Variants in SPOCK1 observed in about 807,000 individuals in gnomAD.
The protein encoded by SPOCK1 is testican-1.
Under a neutral mutation model 55.3 loss-of-function variants are expected in SPOCK1, and 23 were observed. The observed-to-expected ratio is 0.42, with a 90% confidence interval of 0.30 to 0.59. SPOCK1 has a LOEUF of 0.59. Among genes scored for constraint, SPOCK1 ranks in the 20% least tolerant of loss-of-function variants. The pLI, the probability that SPOCK1 is intolerant of heterozygous loss-of-function variation, is 0.22. For synonymous variants in SPOCK1, 226 were observed against 221.0 expected, an observed-to-expected ratio of 1.02 and a Z score of -0.20; for missense variants, 499 against 552.5, an observed-to-expected ratio of 0.90 and a Z score of 0.97.
intron 2 of SPOCK1, among the ~76,000 whole-genome samples, chr5:137,370,834 T>A (rs981090062): frequency 6.6e-6 from 1 of 152,242 alleles, no homozygotes; most frequent in Admixed American, 6.5e-5. Flanking sequence ...GTCAAGCATC[T>A]CTGCCTCTCC....
chr5:137,486,484 G>A (rs1052695523), intron 2 of SPOCK1, among the ~76,000 whole-genome samples: 1 of 152,212 alleles, frequency 6.6e-6, no homozygotes, highest in Admixed American at 6.5e-5. Context: ...CCTGCAGCCT[G>A]ACCAGGGGAC....
chr5:137,141,534 A>G (rs1224396129), intron 3 of SPOCK1, among the ~76,000 whole-genome samples: 1 of 152,222 alleles, frequency 6.6e-6, no homozygotes, highest in African/African-American at 2.4e-5. Flanking sequence ...AGGGAGGGGG[A>G]AAAGCTTACA....
chr5:137,228,735 G>A (rs561235497), intron 3 of SPOCK1, among the ~76,000 whole-genome samples: 118 of 152,210 alleles, frequency 7.8e-4, no homozygotes, highest in African/African-American at 2.8e-3. Flanking sequence ...GTACAAAAGT[G>A]CAAAATTTTA....
intron 4 of SPOCK1, among the ~76,000 whole-genome samples, chr5:137,136,996 T>C (rs920833340): frequency 1.3e-5 from 2 of 152,202 alleles, no homozygotes; most frequent in African/African-American, 4.8e-5. Flanking sequence ...CCCACTGAAA[T>C]TGCTTGCCTG....
chr5:137,467,309 T>C (rs1753640638), intron 2 of SPOCK1, among the ~76,000 whole-genome samples: 1 of 152,220 alleles, frequency 6.6e-6, no homozygotes, highest in African/African-American at 2.4e-5. Context: ...AGGGCATGAA[T>C]GTCAGGTGAG....
At chr5:137,438,594 T>C in intron 2 of SPOCK1, among the ~76,000 whole-genome samples, 1 of 152,212 alleles carries the variant, frequency 6.6e-6, no homozygotes, top group East Asian at 1.9e-4. Flanking sequence ...ATCACCACTG[T>C]GTGCCTTTGT....
intron 3 of SPOCK1, among the ~76,000 whole-genome samples, chr5:137,214,860 C>T (rs1755685450): frequency 6.6e-6 from 1 of 152,146 alleles, no homozygotes; most frequent in Non-Finnish European, 1.5e-5. Flanking sequence ...AAATATTCCA[C>T]TCCTATGCAT....
At chr5:137,270,720 T>C (rs1468042416) in intron 2 of SPOCK1, among the ~76,000 whole-genome samples, 1 of 152,184 alleles carries the variant, frequency 6.6e-6, no homozygotes, top group African/African-American at 2.4e-5. Context: ...AAAGTTGACA[T>C]GGCCAGGCCC....
chr5:137,090,887 A>T lies in SPOCK1; in HGVS notation c.474+21548T>A, dbSNP rs368579265. Among the ~76,000 whole-genome samples, 38 of 152,192 alleles carry T rather than the reference A, an allele frequency of 2.5e-4. 1 individual carries two copies. In the East Asian group the frequency reaches 4.6e-3, roughly 19 times the overall value. On this transcript the variant is annotated intron_variant, in intron 5 of 10. Transcript: ENST00000394945. The stretch of plus-strand genomic sequence containing the variant: ...TGAAGTGTTTTCTCTTTCTTTCAGT[A>T]TTCTCTGGCTCAGTTTCAAATTCCA...
chr5:137,322,773 T>G (rs1280035569), intron 2 of SPOCK1, among the ~76,000 whole-genome samples: 6 of 151,608 alleles, frequency 4.0e-5, no homozygotes. Flanking sequence ...GAAAACAAAG[T>G]GCATTTTAGT....
At chr5:137,109,755 A>G (rs1396487592) in intron 5 of SPOCK1, among the ~76,000 whole-genome samples, 3 of 152,136 alleles carry the variant, frequency 2.0e-5, no homozygotes, top group Non-Finnish European at 4.4e-5. Context: ...CTCTATCTGG[A>G]ACATTCTACT....
At chr5:137,366,774 G>A (rs181259645) in intron 2 of SPOCK1, among the ~76,000 whole-genome samples, 4 of 152,190 alleles carry the variant, frequency 2.6e-5, no homozygotes, top group South Asian at 2.1e-4. Flanking sequence ...GTCTCTCACC[G>A]GCCTTGTGAA....
At chr5:137,394,111 C>T (rs191688289) in intron 2 of SPOCK1, among the ~76,000 whole-genome samples, 108 of 152,282 alleles carry the variant, frequency 7.1e-4, no homozygotes, top group African/African-American at 2.5e-3. Flanking sequence ...TTCTCTGAAT[C>T]CTTGGTGTGC....
Position 137,140,181 on chromosome 5 carries a change from C to T in SPOCK1, c.347+399G>A, listed in dbSNP as rs575193157. ...AGAGCCCTTGGGCCTCAATGGACCT[C>T]GAAGAATCATCACAGTGAGGTTGTT... On this transcript the variant is annotated intron_variant, in intron 4 of 10. Transcript: ENST00000394945. 3.3e-5 allele frequency among the ~76,000 whole-genome samples: 5 copies of T among 152,206 alleles called. No individual in the cohort carries two copies. In the East Asian group the frequency reaches 5.8e-4, roughly 18 times the overall value.
intron 2 of SPOCK1, among the ~76,000 whole-genome samples, chr5:137,380,683 A>C (rs1580894928): frequency 6.6e-6 from 1 of 152,108 alleles, no homozygotes; most frequent in South Asian, 2.1e-4. Context: ...ATGAGAATTT[A>C]CTCACTAATT....
At chr5:137,239,549 T>G (rs565675991) in intron 3 of SPOCK1, among the ~76,000 whole-genome samples, 1 of 152,118 alleles carries the variant, frequency 6.6e-6, no homozygotes, top group Non-Finnish European at 1.5e-5. Context: ...GGGGCAGTCT[T>G]GTAGGATTGA....
rs74817434 is a variant in SPOCK1 at position 137,405,774 on chromosome 5, T to C, written c.186+92599A>G. On this transcript the variant is annotated intron_variant, in intron 2 of 10. Coordinates refer to ENST00000394945, the MANE Select transcript of SPOCK1 (RefSeq NM_004598.4). ...TTTCCATTCCTAATTTAAGAGGATA[T>C]TCCTTGTGGTTAGAAAAGTAAGCAA... is the stretch of plus-strand genomic sequence containing the variant. Among the ~76,000 whole-genome samples, 498 of 152,082 alleles carry C rather than the reference T, an allele frequency of 3.3e-3. 2 individuals are homozygous for C. Among genetic ancestry groups the C allele is most frequent in the African/African-American group, 0.012 (478 of 41,336 alleles).
chr5:137,393,447 C>A (rs1320107860), intron 2 of SPOCK1, among the ~76,000 whole-genome samples: 1 of 152,260 alleles, frequency 6.6e-6, no homozygotes, highest in African/African-American at 2.4e-5. Flanking sequence ...GATGCACAGG[C>A]ATGCCAGGAG....
At chr5:137,409,590 T>C (rs1752168876) in intron 2 of SPOCK1, among the ~76,000 whole-genome samples, 2 of 152,180 alleles carry the variant, frequency 1.3e-5, no homozygotes, top group Non-Finnish European at 2.9e-5. Context: ...TAAATAAAAT[T>C]AGCCTTAGCA....
Sources: allele counts gnomAD v4.1 joint callset (sites outside exome capture counted in the v4.1 genomes callset), GRCh38; gene constraint gnomAD v4.1.1; transcripts MANE v1.5; gene names NCBI Gene and HGNC (gene_info 2026-07-23, HGNC 2026-07-21).